Variants in SIPA1L3 observed in about 807,000 individuals in gnomAD.
SIPA1L3 encodes signal induced proliferation associated 1 like 3.
A neutral mutation model predicts 150.1 loss-of-function variants in SIPA1L3; 59 were observed. The ratio of observed to expected loss-of-function variants is 0.39; its 90% CI spans 0.32 to 0.49. The LOEUF is 0.49. Ranked by LOEUF, SIPA1L3 falls within the 20% of genes least tolerant of loss-of-function variation. The pLI is 0.86. For missense variants in SIPA1L3, 2,211 were observed against 2,489.5 expected (o/e 0.89, Z 2.38); for synonymous variants, 1,070 against 1,077.6 (o/e 0.99, Z 0.14).
chr19:38,184,776 T>A (rs1408782202), intron 16 of SIPA1L3: 1 of 152,138 alleles, frequency 6.6e-6, no homozygotes, highest in Non-Finnish European at 1.5e-5. Flanking sequence ...CCAGAGGGGA[T>A]TCTGAAAACT....
intron 11 of SIPA1L3, 44 bp from the exon 12 acceptor site, chr19:38,142,529 C>A: frequency 6.4e-7 from 1 of 1,570,616 alleles, no homozygotes; most frequent in Non-Finnish European, 8.7e-7. Context: ...CAGGGGTACC[C>A]TCCTACTCAC....
intron 17 of SIPA1L3, 95 bp from the exon 18 acceptor site, chr19:38,193,442 C>G: frequency 7.5e-7 from 1 of 1,340,160 alleles, no homozygotes; most frequent in African/African-American, 1.5e-5. Context: ...TAGGTAAGGA[C>G]TCGCCACCAA....
intron 5 of SIPA1L3, among the ~76,000 whole-genome samples, chr19:38,100,446 T>C (rs529238928): frequency 2.0e-5 from 3 of 152,082 alleles, no homozygotes; most frequent in Non-Finnish European, 4.4e-5. Context: ...TCCTCCCCGC[T>C]CCACATGCTG....
At chr19:38,197,848 T>C (rs897772785) in intron 18 of SIPA1L3, among the ~76,000 whole-genome samples, 1 of 151,812 alleles carries the variant, frequency 6.6e-6, no homozygotes, top group Non-Finnish European at 1.5e-5. Context: ...TTACAGCTCC[T>C]ACCTGCTCCC....
intron 17 of SIPA1L3, among the ~76,000 whole-genome samples, chr19:38,193,197 T>A (rs1360386011): frequency 6.6e-6 from 1 of 151,368 alleles, no homozygotes; most frequent in Non-Finnish European, 1.5e-5. Context: ...ATGTAAAAAT[T>A]AGCCAAGGGT....
In SIPA1L3 at chr19:38,206,932, ACT is replaced by A. The variant is rs757832575; in HGVS notation, c.*695_*696del. The A allele has an allele frequency of 7.8e-4, 118 of 151,848 alleles. No homozygotes were observed. The highest frequency in any genetic ancestry group is 1.7e-3 in the South Asian group (8 of 4,776). 9.4% of individuals were successfully genotyped at this position (151,848 alleles called of 1,614,324 possible). A position where few individuals can be genotyped will look rare whatever the true frequency, so the allele number is the denominator to read the frequency against. ...CAGAGCCGATTTATTTGAGAGAGAA[ACT>A]CTATTTGGATCTCCAGGACGGTTTA... On this transcript the variant is annotated 3_prime_UTR_variant, in exon 22 of 22. Transcript: ENST00000222345.
intron 1 of SIPA1L3, among the ~76,000 whole-genome samples, chr19:38,002,249 A>G (rs1173458173): frequency 6.6e-6 from 1 of 152,096 alleles, no homozygotes; most frequent in Admixed American, 6.5e-5. Context: ...TTCTGTCTCT[A>G]TGAGATTGAC....
chr19:38,067,556 A>C (rs1230375394), intron 2 of SIPA1L3, among the ~76,000 whole-genome samples: 3 of 152,118 alleles, frequency 2.0e-5, no homozygotes, highest in Non-Finnish European at 2.9e-5. Flanking sequence ...TGAGGTCAGG[A>C]GTTCAAGACC....
chr19:38,013,352 C>G (rs182011246), intron 1 of SIPA1L3, among the ~76,000 whole-genome samples: 1 of 152,288 alleles, frequency 6.6e-6, no homozygotes, highest in Admixed American at 6.5e-5. Context: ...TGAGTACCCT[C>G]CCAAGTTGCT....
intron 1 of SIPA1L3, among the ~76,000 whole-genome samples, chr19:37,939,683 C>T (rs1277365868): frequency 6.6e-6 from 1 of 152,240 alleles, no homozygotes; most frequent in Non-Finnish European, 1.5e-5. Flanking sequence ...CACAGCAAGT[C>T]TGCTTACACC....
chr19:38,137,331 G>C lies in SIPA1L3; in HGVS notation c.3144-3853G>C, dbSNP rs1971458407. Among the ~76,000 whole-genome samples, 7 of 152,058 alleles carry C rather than the reference G, an allele frequency of 4.6e-5. No homozygotes were observed. The South Asian group carries it at 1.5e-3, about 32-fold the overall frequency. On this transcript the variant is annotated intron_variant, in intron 10 of 21. Transcript: ENST00000222345. ...AACCCCCCTAGTAGCTGAGATTATA[G>C]GCACGTGCCACCATGCCTGGCTAAT...
intron 2 of SIPA1L3, among the ~76,000 whole-genome samples, chr19:38,033,203 T>C (rs1243345355): frequency 6.6e-6 from 1 of 152,224 alleles, no homozygotes; most frequent in African/African-American, 2.4e-5. Context: ...TTCCCCGCAA[T>C]AGAAAAGGAA....
At chr19:37,924,190 C>T (rs889160947) in intron 1 of SIPA1L3, among the ~76,000 whole-genome samples, 4 of 151,914 alleles carry the variant, frequency 2.6e-5, no homozygotes, top group African/African-American at 4.8e-5. Flanking sequence ...TAAAATGTTC[C>T]GTTTTTATTT....
intron 13 of SIPA1L3, among the ~76,000 whole-genome samples, chr19:38,161,199 G>A (rs1337118098): frequency 1.0e-4 from 15 of 149,456 alleles, no homozygotes; most frequent in Non-Finnish European, 1.6e-4. Context: ...AAAATTAGCC[G>A]GGCGTGGTGG....
intron 1 of SIPA1L3, among the ~76,000 whole-genome samples, chr19:37,966,862 A>G (rs569030927): frequency 6.6e-6 from 1 of 152,282 alleles, no homozygotes; most frequent in South Asian, 2.1e-4. Flanking sequence ...AGGGCAGAAC[A>G]ACAGTGGAGT....
intron 15 of SIPA1L3, among the ~76,000 whole-genome samples, chr19:38,168,269 C>T (rs1262868115): frequency 1.3e-5 from 2 of 151,938 alleles, no homozygotes; most frequent in African/African-American, 4.8e-5. Flanking sequence ...CGCCTGTAAT[C>T]CCAGCTACTC....
intron 1 of SIPA1L3, among the ~76,000 whole-genome samples, chr19:37,977,697 G>A (rs560066207): frequency 1.3e-5 from 2 of 152,104 alleles, no homozygotes; most frequent in Admixed American, 6.5e-5. Flanking sequence ...GGTCCAGAGC[G>A]CCCGTGTCCT....
chr19:38,183,445 G>C (rs970050146), intron 16 of SIPA1L3, among the ~76,000 whole-genome samples: 3 of 152,160 alleles, frequency 2.0e-5, no homozygotes, highest in African/African-American at 7.2e-5. Context: ...GGTGGATGTG[G>C]TGTGAGAGAA....
At chr19:38,095,036 T>C (rs950385943) in intron 4 of SIPA1L3, among the ~76,000 whole-genome samples, 3 of 152,076 alleles carry the variant, frequency 2.0e-5, no homozygotes, top group South Asian at 2.1e-4. Flanking sequence ...AATCACACCA[T>C]TGCATTCCAG....
Sources: allele counts gnomAD v4.1 joint callset (sites outside exome capture counted in the v4.1 genomes callset), GRCh38; gene constraint gnomAD v4.1.1; transcripts MANE v1.5; gene names NCBI Gene and HGNC (gene_info 2026-07-23, HGNC 2026-07-21).